PDE4D: variants seen among roughly 807,000 people sequenced by gnomAD.
PDE4D encodes 3',5'-cyclic-AMP phosphodiesterase 4D.
A neutral mutation model predicts 87.4 loss-of-function variants in PDE4D; 24 were observed. The observed-to-expected ratio is 0.27, with a 90% CI of 0.20 to 0.39. The LOEUF (loss-of-function observed/expected upper bound fraction) is 0.39, where lower values mean the gene tolerates loss of function less well. Among genes scored for constraint, PDE4D ranks in the 10% least tolerant of loss-of-function variants. PDE4D has a pLI of 1.00. For synonymous variants in PDE4D, 384 were observed against 383.2 expected (o/e 1.00, Z -0.02); for missense variants, 714 against 1,041.0 (o/e 0.69, Z 4.32).
intron 1 of PDE4D, among the ~76,000 whole-genome samples, chr5:60,411,424 A>G (rs1296356272): frequency 6.6e-6 from 1 of 152,222 alleles, no homozygotes; most frequent in Non-Finnish European, 1.5e-5. Flanking sequence ...TGACATAACC[A>G]GAAGAAATTC....
At chr5:59,605,053 G>T (rs774654730) in intron 1 of PDE4D, among the ~76,000 whole-genome samples, 44 of 152,104 alleles carry the variant, frequency 2.9e-4, no homozygotes, top group Non-Finnish European at 5.4e-4. Flanking sequence ...TTCCTGGGGA[G>T]AAGGTCAGAC....
At chr5:59,428,308 C>T (rs1465670360) in intron 1 of PDE4D, among the ~76,000 whole-genome samples, 1 of 152,144 alleles carries the variant, frequency 6.6e-6, no homozygotes, top group South Asian at 2.1e-4. Context: ...TCGTGAAAAG[C>T]CAATTTTTTT....
chr5:59,325,345 G>A (rs546383241), intron 1 of PDE4D, among the ~76,000 whole-genome samples: 1 of 152,278 alleles, frequency 6.6e-6, no homozygotes, highest in East Asian at 1.9e-4. Flanking sequence ...ATTGAACAAT[G>A]CAGTAGTATC....
chr5:60,512,548 A>C (rs1750624938), intron 1 of PDE4D, among the ~76,000 whole-genome samples: 1 of 152,212 alleles, frequency 6.6e-6, no homozygotes, highest in Admixed American at 6.5e-5. Flanking sequence ...CTTTGAGTTA[A>C]ATATTTCTAC....
At chr5:59,010,271 G>A (rs1466383379) in intron 6 of PDE4D, among the ~76,000 whole-genome samples, 1 of 152,172 alleles carries the variant, frequency 6.6e-6, no homozygotes, top group Non-Finnish European at 1.5e-5. Flanking sequence ...AAGTTGCAGT[G>A]AGCTGAGATC....
At chr5:59,273,744 A>T (rs569992938) in intron 1 of PDE4D, among the ~76,000 whole-genome samples, 76 of 152,296 alleles carry the variant, frequency 5.0e-4, no homozygotes, top group African/African-American at 1.8e-3. Flanking sequence ...CAAAATATTT[A>T]AAAATGCATT....
Position 59,340,486 on chromosome 5 carries a change from G to T in PDE4D, c.456-124518C>A, listed in dbSNP as rs151086662. ...TACAATGCCTAATAATCACATCAGG[G>T]TAAATGAGGTATCCATCACCTCAAT... On this transcript the variant is annotated intron_variant, in intron 1 of 14. Transcript: ENST00000340635. 4.6e-5 allele frequency among the ~76,000 whole-genome samples: 7 copies of T among 152,088 alleles called. 1 individual carries two copies. Among genetic ancestry groups the T allele is most frequent in the African/African-American group, 1.7e-4 (7 of 41,516 alleles).
At chr5:60,252,128 A>AT (rs564755192) in intron 1 of PDE4D, among the ~76,000 whole-genome samples, 231 of 151,942 alleles carry the variant, frequency 1.5e-3, no homozygotes, top group Non-Finnish European at 1.6e-3. Context: ...ACCCAGGTGT[A>AT]TCTAAGTACA....
chr5:59,248,960 A>C (rs1023751122), intron 1 of PDE4D, among the ~76,000 whole-genome samples: 11 of 152,148 alleles, frequency 7.2e-5, no homozygotes, highest in Admixed American at 7.2e-4. Flanking sequence ...TCAAATTATT[A>C]AAGCAAAGAA....
chr5:59,439,042 T>G (rs1797195209), intron 1 of PDE4D, among the ~76,000 whole-genome samples: 1 of 152,176 alleles, frequency 6.6e-6, no homozygotes, highest in Non-Finnish European at 1.5e-5. Context: ...CAAAGTTATT[T>G]GCTTGCAGGG....
At chr5:59,881,998 A>C (rs1214898735) in intron 1 of PDE4D, among the ~76,000 whole-genome samples, 1 of 152,162 alleles carries the variant, frequency 6.6e-6, no homozygotes, top group East Asian at 1.9e-4. Flanking sequence ...ATTCAACACA[A>C]AGTTTGGCCT....
intron 2 of PDE4D, among the ~76,000 whole-genome samples, chr5:60,180,779 C>T (rs1349695234): frequency 6.6e-6 from 1 of 152,094 alleles, no homozygotes; most frequent in East Asian, 1.9e-4. Flanking sequence ...AATAAAGACA[C>T]AAGCAGGAAC....
intron 1 of PDE4D, among the ~76,000 whole-genome samples, chr5:60,296,622 A>G (rs938002825): frequency 3.9e-5 from 6 of 152,146 alleles, no homozygotes; most frequent in Admixed American, 1.3e-4. Context: ...CCCTCATGCT[A>G]TTGCAAAAGA....
At chr5:60,148,284 C>T (rs1437774085) in intron 2 of PDE4D, among the ~76,000 whole-genome samples, 1 of 152,122 alleles carries the variant, frequency 6.6e-6, no homozygotes, top group Non-Finnish European at 1.5e-5. Context: ...TTAGTAGGTT[C>T]TTCATCCACA....
chr5:59,443,535 A>C (rs1797942040), intron 1 of PDE4D, among the ~76,000 whole-genome samples: 1 of 152,218 alleles, frequency 6.6e-6, no homozygotes, highest in South Asian at 2.1e-4. Context: ...TAGTGTGATT[A>C]TATGGAGACA....
intron 2 of PDE4D, among the ~76,000 whole-genome samples, chr5:60,160,428 G>A (rs1203543128): frequency 1.3e-5 from 2 of 151,748 alleles, no homozygotes; most frequent in Non-Finnish European, 2.9e-5. Flanking sequence ...TGGGAATCCA[G>A]AATTAATCAA....
chr5:60,297,315 C>T (rs978125754), intron 1 of PDE4D, among the ~76,000 whole-genome samples: 8 of 151,868 alleles, frequency 5.3e-5, no homozygotes, highest in African/African-American at 1.9e-4. Context: ...TAACAAGGAG[C>T]CTAGGCAAAA....
chr5:60,385,192 T>C (rs1371458358), intron 1 of PDE4D, among the ~76,000 whole-genome samples: 1 of 152,184 alleles, frequency 6.6e-6, no homozygotes, highest in Non-Finnish European at 1.5e-5. Context: ...GAGTAGTTTT[T>C]CGAGAAGGGA....
chr5:59,215,552 CGTGTGTGTGTGTGTGTGTGTGT>C (rs10693866), intron 2 of PDE4D: 2 of 364,212 alleles, frequency 5.5e-6, no homozygotes, highest in Admixed American at 9.1e-5. Context: ...TAAATACATG[CGTGTGTGTGTGTGTGTGTGTGT>C]GTGTGTGTGT....
Sources: gnomAD v4.1 joint callset for allele counts (sites outside exome capture counted in the v4.1 genomes callset) on GRCh38, gnomAD v4.1.1 for gene constraint, MANE v1.5 for transcripts, NCBI Gene and HGNC (gene_info 2026-07-23, HGNC 2026-07-21) for gene names.